The following ELF1 variants were observed in gnomAD, a reference collection of about 807,000 sequenced individuals.
ELF1 encodes the protein ETS-related transcription factor Elf-1.
A neutral mutation model predicts 59.9 loss-of-function variants in ELF1; 24 were observed. The observed-to-expected ratio is 0.40, with a 90% CI of 0.29 to 0.56. The LOEUF (loss-of-function observed/expected upper bound fraction) is 0.56. ELF1 is among the 20% of genes least tolerant of loss of function. The pLI is 0.44. For synonymous variants in ELF1, 248 were observed against 266.2 expected (o/e 0.93, Z 0.67); for missense variants, 627 against 742.2 (o/e 0.84, Z 1.80).
rs3736953 is a variant in ELF1, at chr13:40,951,450, A to C, written c.254-14T>G. On this transcript the variant is annotated splice_polypyrimidine_tract_variant and intron_variant, in intron 3 of 8. Transcript: ENST00000239882. ...AAGAAGCTTCAACTGCAACACATTT[A>C]AAGAGAAAATTAAATTAACTACGAG... 1 of 1,609,766 alleles carries C rather than the reference A, an allele frequency of 6.2e-7. No individual in the cohort carries two copies. Among genetic ancestry groups the C allele is most frequent in the Non-Finnish European group, 8.5e-7 (1 of 1,177,058 alleles).
At chr13:41,039,006 CAAAAAAA>C (rs11405097) in intron 1 of ELF1, among the ~76,000 whole-genome samples, 3 of 76,556 alleles carry the variant, frequency 3.9e-5, no homozygotes, top group Admixed American at 1.6e-4. Flanking sequence ...GAGACTTTGT[CAAAAAAA>C]AAAAAAAAAA....
intron 1 of ELF1, among the ~76,000 whole-genome samples, chr13:41,059,337 A>C (rs1877406480): frequency 6.6e-6 from 1 of 152,268 alleles, no homozygotes; most frequent in Admixed American, 6.5e-5. Flanking sequence ...AAAGAATACA[A>C]ACATCAGTAA....
upstream of ELF1, among the ~76,000 whole-genome samples, chr13:41,019,684 G>T (rs1875612308): frequency 6.6e-6 from 1 of 151,256 alleles, no homozygotes; most frequent in African/African-American, 2.4e-5. Context: ...GGGATGGAAG[G>T]GAGATAGCAA....
chr13:41,060,870 C>T, exon 1 of ELF1: 1 of 334,274 alleles, frequency 3.0e-6, no homozygotes, highest in South Asian at 2.4e-5. Flanking sequence ...CCTCCTTCGC[C>T]GCACCTCTCG....
intron 1 of ELF1, among the ~76,000 whole-genome samples, chr13:41,009,981 T>C (rs1295777102): frequency 1.3e-5 from 2 of 151,696 alleles, no homozygotes; most frequent in Non-Finnish European, 1.5e-5. Context: ...TCAATATATG[T>C]TTTTTACTTA....
chr13:41,034,618 T>C (rs991940204), intron 1 of ELF1, among the ~76,000 whole-genome samples: 2 of 152,168 alleles, frequency 1.3e-5, no homozygotes, highest in African/African-American at 2.4e-5. Flanking sequence ...TAAGATTATA[T>C]GTTATCTGAA....
chr13:41,060,651 G>A (rs1235940307), intron 1 of ELF1, among the ~76,000 whole-genome samples: 1 of 152,124 alleles, frequency 6.6e-6, no homozygotes, highest in Non-Finnish European at 1.5e-5. Context: ...TCACCCAGAC[G>A]GGGACAAGAA....
At chr13:41,039,335 T>TAAA (rs753642464) in intron 1 of ELF1, among the ~76,000 whole-genome samples, 5 of 141,868 alleles carry the variant, frequency 3.5e-5, no homozygotes, top group African/African-American at 2.6e-5. Context: ...AGTCCTTTTT[T>TAAA]TAAAAAAAAA....
At chr13:40,987,807 CAG>C (rs1873639350) in intron 1 of ELF1, among the ~76,000 whole-genome samples, 1 of 152,096 alleles carries the variant, frequency 6.6e-6, no homozygotes, top group Non-Finnish European at 1.5e-5. Context: ...TGGAATGCTA[CAG>C]TAACTCTAGA....
chr13:40,961,032 C>T (rs937512166), intron 2 of ELF1, among the ~76,000 whole-genome samples: 6 of 152,164 alleles, frequency 3.9e-5, no homozygotes, highest in African/African-American at 1.2e-4. Flanking sequence ...AGGCACCTTG[C>T]TATTTTCCTT....
chr13:41,013,095 G>C (rs1481582306), intron 1 of ELF1, among the ~76,000 whole-genome samples: 3 of 152,086 alleles, frequency 2.0e-5, no homozygotes, highest in African/African-American at 7.2e-5. Flanking sequence ...TGCATCAACT[G>C]TCCATCTGTT....
At chr13:41,041,132 G>A (rs1476701082) in intron 1 of ELF1, among the ~76,000 whole-genome samples, 1 of 151,966 alleles carries the variant, frequency 6.6e-6, no homozygotes, top group Admixed American at 6.6e-5. Flanking sequence ...AGGCAGTGGG[G>A]TAGGAGGAAG....
At chr13:40,934,410 T>G (rs1869623016) in intron 8 of ELF1, among the ~76,000 whole-genome samples, 1 of 140,324 alleles carries the variant, frequency 7.1e-6, no homozygotes, top group Admixed American at 8.1e-5. Context: ...GTTTGATTCA[T>G]TCCTGCTTTT....
At chr13:41,021,186 T>A (rs1176282802), upstream of ELF1, among the ~76,000 whole-genome samples, 4 of 152,228 alleles carry the variant, frequency 2.6e-5, no homozygotes, top group Admixed American at 2.6e-4. Context: ...TCTAAAAGGA[T>A]AAGCTTCTGC....
At chr13:40,979,440 C>G (rs1459905625) in intron 2 of ELF1, among the ~76,000 whole-genome samples, 2 of 152,136 alleles carry the variant, frequency 1.3e-5, no homozygotes, top group Non-Finnish European at 1.5e-5. Flanking sequence ...AGCAGCGGAG[C>G]CAAGATTCAA....
intron 1 of ELF1, chr13:40,993,281 C>T (rs1330142748): frequency 6.3e-7 from 1 of 1,575,816 alleles, no homozygotes; most frequent in Non-Finnish European, 8.7e-7. Context: ...TTTCCAGGCG[C>T]TTGAGACACA....
intron 1 of ELF1, among the ~76,000 whole-genome samples, chr13:41,004,105 C>G (rs1874613464): frequency 1.3e-5 from 2 of 151,820 alleles, no homozygotes; most frequent in African/African-American, 4.8e-5. Context: ...ACTGGGTATA[C>G]AAAAATAAAG....
intron 1 of ELF1, among the ~76,000 whole-genome samples, chr13:41,041,649 T>C (rs1876615486): frequency 6.6e-6 from 1 of 151,920 alleles, no homozygotes; most frequent in African/African-American, 2.4e-5. Context: ...CACTCCAGCC[T>C]GAGCAACAGA....
intron 1 of ELF1, among the ~76,000 whole-genome samples, chr13:40,985,779 T>C (rs1002410643): frequency 2.0e-5 from 3 of 152,174 alleles, no homozygotes; most frequent in Non-Finnish European, 4.4e-5. Context: ...ACCTAACAAA[T>C]TGAAAGGTCC....
Sources: allele counts gnomAD v4.1 joint callset (sites outside exome capture counted in the v4.1 genomes callset), GRCh38; gene constraint gnomAD v4.1.1; transcripts MANE v1.5; gene names NCBI Gene and HGNC (gene_info 2026-07-23, HGNC 2026-07-21).